The following EPHA6 variants were observed in gnomAD, a reference collection of about 807,000 sequenced individuals.
The protein encoded by EPHA6 is ephrin type-A receptor 6.
EPHA6 carries 50 observed loss-of-function variants against 112.0 expected under a neutral mutation model. The observed-to-expected ratio is 0.45, with a 90% CI of 0.36 to 0.56. The LOEUF (loss-of-function observed/expected upper bound fraction) is 0.56. EPHA6 is among the 20% of genes least tolerant of loss of function. The probability of loss-of-function intolerance (pLI) is 0.00; values close to 1 mark genes in which losing one functional copy is unlikely to be tolerated. For synonymous variants in EPHA6, 529 were observed against 490.7 expected, an observed-to-expected ratio of 1.08 and a Z score of -1.03; for missense variants, 1,280 against 1,417.4, an observed-to-expected ratio of 0.90 and a Z score of 1.56.
At chr3:97,558,097 A>G (rs1013911357) in intron 11 of EPHA6, among the ~76,000 whole-genome samples, 3 of 152,042 alleles carry the variant, frequency 2.0e-5, no homozygotes, top group Admixed American at 6.6e-5. Context: ...TAATAAATCT[A>G]ACATATTAAT....
chr3:97,619,455 A>T lies in EPHA6; in HGVS notation c.2574+8601A>T, dbSNP rs542036345. Among the ~76,000 whole-genome samples, 10 of 150,482 alleles carry T rather than the reference A, an allele frequency of 6.6e-5. No individual in the cohort carries two copies. The South Asian group carries it at 1.9e-3, about 29-fold the overall frequency. On this transcript the variant is annotated intron_variant, in intron 13 of 17. Coordinates refer to ENST00000389672, the MANE Select transcript of EPHA6 (RefSeq NM_001080448.3). Reference sequence around the variant, plus strand: ...AAAAGGGGGGGGGGGGCATCCAAATAGGAAGAGAGGAAGTCAAACTTATCC... The same window carrying T: ...AAAAGGGGGGGGGGGGCATCCAAATTGGAAGAGAGGAAGTCAAACTTATCC...
intron 5 of EPHA6, among the ~76,000 whole-genome samples, chr3:97,275,357 C>T (rs1315799912): frequency 6.6e-6 from 1 of 152,154 alleles, no homozygotes; most frequent in Non-Finnish European, 1.5e-5. Context: ...CGTGGCAGTA[C>T]AGCCCAGGTA....
intron 2 of EPHA6, among the ~76,000 whole-genome samples, chr3:96,983,028 A>C (rs1475039416): frequency 6.6e-6 from 1 of 152,106 alleles, no homozygotes; most frequent in Non-Finnish European, 1.5e-5. Context: ...TGTGTCTTTT[A>C]ATTGGAGCAT....
chr3:97,361,476 A>G (rs1464201544), intron 5 of EPHA6, among the ~76,000 whole-genome samples: 1 of 152,174 alleles, frequency 6.6e-6, no homozygotes, highest in Non-Finnish European at 1.5e-5. Context: ...TGTTGCTTAT[A>G]ACATAATACC....
chr3:97,422,824 G>A (rs1187252090), intron 6 of EPHA6, among the ~76,000 whole-genome samples: 2 of 152,126 alleles, frequency 1.3e-5, no homozygotes, highest in African/African-American at 2.4e-5. Context: ...TGATCCATTA[G>A]GCTTTATTCA....
At chr3:96,881,478 A>G (rs1420470393) in intron 2 of EPHA6, among the ~76,000 whole-genome samples, 1 of 152,158 alleles carries the variant, frequency 6.6e-6, no homozygotes, top group Non-Finnish European at 1.5e-5. Flanking sequence ...TATGGGGGAA[A>G]CTGACTCCGT....
At chr3:96,863,082 AT>A (rs558136373) in intron 1 of EPHA6, among the ~76,000 whole-genome samples, 56 of 151,706 alleles carry the variant, frequency 3.7e-4, no homozygotes, top group African/African-American at 1.2e-3. Flanking sequence ...CCCCCAGGCT[AT>A]TTTTTTTGTT....
At chr3:97,425,712 C>A (rs2089060758) in intron 6 of EPHA6, among the ~76,000 whole-genome samples, 1 of 152,208 alleles carries the variant, frequency 6.6e-6, no homozygotes, top group South Asian at 2.1e-4. Context: ...TGACTTCCTT[C>A]CCAGAAAATT....
At chr3:96,961,598 T>C (rs904890683) in intron 2 of EPHA6, among the ~76,000 whole-genome samples, 1 of 152,104 alleles carries the variant, frequency 6.6e-6, no homozygotes, top group African/African-American at 2.4e-5. Context: ...AGAATAACTT[T>C]CTCCAATCCT....
chr3:97,617,659 C>A (rs970322178), intron 13 of EPHA6, among the ~76,000 whole-genome samples: 4 of 152,010 alleles, frequency 2.6e-5, no homozygotes, highest in African/African-American at 9.7e-5. Context: ...AGACTTTAAA[C>A]CAACAAAGAT....
rs768069744 is a variant in EPHA6 at position 97,094,168 on chromosome 3, A to G, written c.1114+106175A>G. Reference sequence around the variant, plus strand: ...TTTTATTCCCTGTTCTGAAATATATAGTTACTGTTAACATGTGTTATGTTG... The same window carrying G: ...TTTTATTCCCTGTTCTGAAATATATGGTTACTGTTAACATGTGTTATGTTG... On this transcript the variant is annotated intron_variant, in intron 3 of 17. Coordinates refer to ENST00000389672, the MANE Select transcript of EPHA6 (RefSeq NM_001080448.3). Among the ~76,000 whole-genome samples the G allele has an allele frequency of 1.4e-4, 21 of 152,252 alleles. 1 individual carries two copies. Among genetic ancestry groups the G allele is most frequent in the Middle Eastern group, 6.8e-3 (2 of 294 alleles).
intron 3 of EPHA6, among the ~76,000 whole-genome samples, chr3:97,077,745 G>A (rs113039645): frequency 0.13 from 19,743 of 151,990 alleles, 2,116 homozygotes; most frequent in African/African-American, 0.29. Context: ...ATGGCTGCAT[G>A]GTATTCCATG....
intron 3 of EPHA6, among the ~76,000 whole-genome samples, chr3:97,121,207 G>T (rs973950361): frequency 1.3e-5 from 2 of 152,006 alleles, no homozygotes; most frequent in Admixed American, 1.3e-4. Flanking sequence ...ATCCTTTAGA[G>T]AATCTGGTTA....
chr3:97,098,533 A>AT (rs1559727015), intron 3 of EPHA6, among the ~76,000 whole-genome samples: 1 of 151,882 alleles, frequency 6.6e-6, no homozygotes, highest in African/African-American at 2.4e-5. Context: ...ATTTGAGTAC[A>AT]TTTTAAATGT....
At chr3:97,129,753 A>G (rs1188101171) in intron 3 of EPHA6, among the ~76,000 whole-genome samples, 1 of 152,106 alleles carries the variant, frequency 6.6e-6, no homozygotes, top group Middle Eastern at 3.2e-3. Context: ...AGGGTTGGGG[A>G]GTTGGTACAT....
intron 1 of EPHA6, among the ~76,000 whole-genome samples, chr3:96,865,974 C>T (rs1439295693): frequency 6.6e-6 from 1 of 151,962 alleles, no homozygotes; most frequent in Non-Finnish European, 1.5e-5. Flanking sequence ...GTAGTCTCCA[C>T]CCCTACAACT....
At chr3:97,408,715 C>G (rs890371341) in intron 6 of EPHA6, among the ~76,000 whole-genome samples, 2 of 151,838 alleles carry the variant, frequency 1.3e-5, no homozygotes, top group Non-Finnish European at 2.9e-5. Flanking sequence ...TCTGGGGTCT[C>G]TTTCATAAGG....
At chr3:97,339,261 A>G (rs1056358823) in intron 5 of EPHA6, among the ~76,000 whole-genome samples, 1 of 152,188 alleles carries the variant, frequency 6.6e-6, no homozygotes, top group African/African-American at 2.4e-5. Context: ...ACATATGTAA[A>G]CAAATACATC....
chr3:96,958,962 G>A (rs538646392), intron 2 of EPHA6, among the ~76,000 whole-genome samples: 17 of 152,196 alleles, frequency 1.1e-4, no homozygotes, highest in African/African-American at 3.6e-4. Context: ...GAGTAATGCC[G>A]CTGTGAACAT....
Sources: allele counts gnomAD v4.1 joint callset (sites outside exome capture counted in the v4.1 genomes callset), GRCh38; gene constraint gnomAD v4.1.1; transcripts MANE v1.5; gene names NCBI Gene and HGNC (gene_info 2026-07-23, HGNC 2026-07-21).